Variants in MYBL2 observed in about 807,000 individuals in gnomAD.
The protein encoded by MYBL2 is myb-related protein B.
In MYBL2, 28 loss-of-function variants were observed where a neutral mutation model predicts 79.9. The ratio of observed to expected loss-of-function variants is 0.35; its 90% CI spans 0.26 to 0.48. The LOEUF is 0.48. MYBL2 is among the 20% of genes least tolerant of loss of function. The probability of loss-of-function intolerance (pLI) is 0.99; values close to 1 mark genes in which losing one functional copy is unlikely to be tolerated. For synonymous variants in MYBL2, 378 were observed against 361.2 expected, an observed-to-expected ratio of 1.05 and a Z score of -0.53; for missense variants, 735 against 893.9, an observed-to-expected ratio of 0.82 and a Z score of 2.27.
At position 43,682,795 on chromosome 20, in the gene MYBL2, A is replaced by T; in HGVS notation, c.188A>T (p.Asn63Ile). 1 of 1,613,784 alleles carries T rather than the reference A, an allele frequency of 6.2e-7. No homozygotes were observed. Among genetic ancestry groups the T allele is most frequent in the Non-Finnish European group, 8.5e-7 (1 of 1,179,766 alleles). Residue 63 changes from asparagine to isoleucine, a missense_variant and splice_region_variant, in exon 4 of 14, where the codon AAC (asparagine) becomes ATC (isoleucine). Transcript: ENST00000217026. ...TTTGTTCTTCTGTTCTTTTCCCAGA[A>T]CCGCACTGACCAGCAATGCCAGTAC... Reference protein sequence around the residue: ...DWKFLASHFPNRTDQQCQYRW... With the variant: ...DWKFLASHFPIRTDQQCQYRW...
intron 6 of MYBL2, among the ~76,000 whole-genome samples, chr20:43,693,199 T>A (rs962096818): frequency 2.6e-5 from 4 of 152,140 alleles, no homozygotes; most frequent in African/African-American, 9.7e-5. Flanking sequence ...GCCTGACTAA[T>A]TTTTGCATTT....
At chr20:43,705,197 T>C (rs757946892) in intron 8 of MYBL2, 22 bp from the exon 9 acceptor site, 1 of 1,612,648 alleles carries the variant, frequency 6.2e-7, no homozygotes, top group Non-Finnish European at 8.5e-7. Context: ...TTTTGTCTTG[T>C]TCCCTCTCTC....
intron 3 of MYBL2, among the ~76,000 whole-genome samples, chr20:43,682,473 T>A (rs1175289642): frequency 1.3e-5 from 2 of 152,198 alleles, no homozygotes; most frequent in Non-Finnish European, 2.9e-5. Flanking sequence ...CTTCAGGGAA[T>A]AAAAATGCTC....
At position 43,675,316 on chromosome 20, in the gene MYBL2, T is replaced by C. The variant is rs149960167; in HGVS notation, c.114+1417T>C. On this transcript the variant is annotated intron_variant, in intron 2 of 13. Transcript: ENST00000217026. ...TTTATGGTGAACAGTTTGATCAGTTTTTTTTCTTTTTTTTTTTTTGAGATG... is the reference window on the plus strand; with the variant it reads ...TTTATGGTGAACAGTTTGATCAGTTCTTTTTCTTTTTTTTTTTTTGAGATG... Among the ~76,000 whole-genome samples the C allele has an allele frequency of 7.7e-3, 1,160 of 151,632 alleles. 9 individuals carry two copies. Among genetic ancestry groups the C allele is most frequent in the African/African-American group, 0.027 (1,091 of 41,152 alleles).
intron 1 of MYBL2, among the ~76,000 whole-genome samples, chr20:43,667,723 G>A (rs2145701732): frequency 6.6e-6 from 1 of 152,330 alleles, no homozygotes; most frequent in South Asian, 2.1e-4. Context: ...ACCGAGCCTG[G>A]GAGGCACTTG....
intron 2 of MYBL2, among the ~76,000 whole-genome samples, chr20:43,679,395 A>G (rs188169028): frequency 7.9e-5 from 12 of 152,288 alleles, no homozygotes; most frequent in African/African-American, 2.6e-4. Context: ...CCCCTTAACC[A>G]TCTTTAACTT....
chr20:43,692,965 ATC>A (rs985252182), intron 6 of MYBL2, among the ~76,000 whole-genome samples: 90 of 151,990 alleles, frequency 5.9e-4, no homozygotes, highest in African/African-American at 2.1e-3. Context: ...TTGCACTGTG[ATC>A]TGTTTTCTGT....
intron 6 of MYBL2, among the ~76,000 whole-genome samples, chr20:43,696,397 T>C (rs1254328799): frequency 1.3e-5 from 2 of 150,212 alleles, no homozygotes; most frequent in South Asian, 2.1e-4. Flanking sequence ...TGTGCCACCA[T>C]GCCTGGCTAA....
chr20:43,699,999 T>G lies in MYBL2; in HGVS notation c.906T>G (p.Pro302=), dbSNP rs285162. The G allele has an allele frequency of 6.2e-7, 1 of 1,613,988 alleles. No individual in the cohort carries two copies. The highest frequency in any genetic ancestry group is 8.5e-7 in the Non-Finnish European group (1 of 1,180,020). Residue 302 remains proline, a synonymous_variant, in exon 7 of 14, where the codon CCT becomes CCG. Coordinates refer to ENST00000217026, the MANE Select transcript of MYBL2 (RefSeq NM_002466.4). ...TGGAGGCAGCTAACCTCCTCATCCC[T>G]GCTGTGGGTTCTAGCCTCTCTGAAG... ...WVVEAANLLI[P]AVGSSLSEAL... is the part of the protein sequence containing the mutation.
chr20:43,702,364 T>C, intron 7 of MYBL2, 126 bp from the exon 8 acceptor site: 1 of 1,067,152 alleles, frequency 9.4e-7, no homozygotes. Flanking sequence ...AGGAAATGCA[T>C]GAAATATTAA....
Position 43,716,043 on chromosome 20 carries a change from C to G in MYBL2, c.2059C>G (p.Arg687Gly). The G allele has an allele frequency of 6.2e-7, 1 of 1,610,788 alleles. No individual in the cohort carries two copies. The highest frequency in any genetic ancestry group is 1.3e-5 in the African/African-American group (1 of 74,986). The change falls in exon 14 of 14, where the codon CGC becomes GGC. Residue 687 changes from arginine (R) to glycine (G), a missense_variant. By Grantham distance (125) the Arg-to-Gly change is moderately radical. Around this residue, in one of 5 missense-constraint regions of MYBL2, gnomAD observed 204 missense variants for 202.9 expected, o/e 1.01. Transcript: ENST00000217026. ...GGAGAAAGCCCGGCAGCTCCTGGGC[C>G]GCCTGAAGCCCAGCCACACATCTCG... ...MQEKARQLLG[R>G]LKPSHTSRTL...
At chr20:43,705,686 A>ATTTAT (rs1216869230) in intron 9 of MYBL2, among the ~76,000 whole-genome samples, 1 of 144,752 alleles carries the variant, frequency 6.9e-6, no homozygotes, top group Non-Finnish European at 1.5e-5. Context: ...TTATTTATTT[A>ATTTAT]TTTATTTATT....
chr20:43,693,425 G>A (rs1319454931), intron 6 of MYBL2, among the ~76,000 whole-genome samples: 2 of 151,970 alleles, frequency 1.3e-5, no homozygotes, highest in Non-Finnish European at 2.9e-5. Context: ...TGCAACCTCC[G>A]CCTCCCAGGT....
intron 1 of MYBL2, among the ~76,000 whole-genome samples, chr20:43,668,691 T>G (rs1986783642): frequency 6.7e-6 from 1 of 150,192 alleles, no homozygotes. Context: ...CCTGGTTTTT[T>G]TTTTTTTTTT....
intron 7 of MYBL2, among the ~76,000 whole-genome samples, chr20:43,700,599 G>A (rs142501435): frequency 1.9e-4 from 29 of 152,246 alleles, no homozygotes; most frequent in African/African-American, 5.8e-4. Flanking sequence ...CAGGCCTGCT[G>A]TGTAGAGCGG....
At chr20:43,676,760 A>C (rs1488778401) in intron 2 of MYBL2, among the ~76,000 whole-genome samples, 1 of 151,994 alleles carries the variant, frequency 6.6e-6, no homozygotes, top group African/African-American at 2.4e-5. Context: ...TTAGACTTCT[A>C]CTGGCCTTTT....
chr20:43,711,767 A>T (rs1046670945), intron 11 of MYBL2, among the ~76,000 whole-genome samples, 166 bp downstream of exon 11: 1 of 152,096 alleles, frequency 6.6e-6, no homozygotes, highest in African/African-American at 2.4e-5. Flanking sequence ...AACTGACAAG[A>T]TAAGGACAGT....
Position 43,689,314 on chromosome 20 carries a change from C to T in MYBL2, c.500+2242C>T, listed in dbSNP as rs1041575497. Among the ~76,000 whole-genome samples the T allele has an allele frequency of 9.2e-5, 14 of 152,286 alleles. No homozygotes were observed. The East Asian group carries it at 2.7e-3, about 29-fold the overall frequency. On this transcript the variant is annotated intron_variant, in intron 5 of 13. Coordinates refer to ENST00000217026, the MANE Select transcript of MYBL2 (RefSeq NM_002466.4). ...AAATGATCCCTTTTCAAAGCTCAAA[C>T]CTGAATGTGTCATCTTTCTGGGGCT... is the stretch of plus-strand genomic sequence containing the variant.
intron 9 of MYBL2, among the ~76,000 whole-genome samples, chr20:43,708,431 A>T (rs1987836632): frequency 6.6e-6 from 1 of 150,858 alleles, no homozygotes; most frequent in Non-Finnish European, 1.5e-5. Flanking sequence ...GTGTATATAC[A>T]CTCTTTTTTT....
Sources: gnomAD v4.1 joint callset for allele counts (sites outside exome capture counted in the v4.1 genomes callset) on GRCh38, gnomAD v4.1.1 for gene constraint, gnomAD v4.1.1 regional missense constraint, MANE v1.5 for transcripts, NCBI Gene and HGNC (gene_info 2026-07-23, HGNC 2026-07-21) for gene names.